ROBO1: variants seen among roughly 807,000 people sequenced by gnomAD.
ROBO1 encodes the protein roundabout homolog 1.
In ROBO1, 149 loss-of-function variants were observed where a neutral mutation model predicts 195.9. The ratio of observed to expected loss-of-function variants is 0.76; its 90% confidence interval spans 0.67 to 0.87. ROBO1 has a LOEUF of 0.87. Ranked by LOEUF, ROBO1 falls within the 40% of genes least tolerant of loss-of-function variation. The probability of loss-of-function intolerance (pLI) is 0.00; values close to 1 mark genes in which losing one functional copy is unlikely to be tolerated. For synonymous variants in ROBO1, 816 were observed against 733.2 expected (o/e 1.11, Z -1.82); for missense variants, 1,933 against 2,068.3 (o/e 0.93, Z 1.27).
intron 2 of ROBO1, among the ~76,000 whole-genome samples, chr3:79,474,886 C>G (rs1169053302): frequency 6.6e-6 from 1 of 151,904 alleles, no homozygotes; most frequent in African/African-American, 2.4e-5. Context: ...ACAACACTAG[C>G]CTAGCAAATC....
chr3:79,574,888 C>T (rs1943399821), intron 2 of ROBO1, among the ~76,000 whole-genome samples: 1 of 150,942 alleles, frequency 6.6e-6, no homozygotes. Flanking sequence ...TAAACACAAA[C>T]AAAAAAATTA....
At chr3:79,010,362 T>C (rs185483983) in intron 3 of ROBO1, among the ~76,000 whole-genome samples, 187 of 152,294 alleles carry the variant, frequency 1.2e-3, no homozygotes, top group African/African-American at 4.4e-3. Context: ...ACCTCATTTT[T>C]CATACTGACA....
At chr3:79,641,242 C>T (rs1159199683) in intron 1 of ROBO1, among the ~76,000 whole-genome samples, 11 of 152,076 alleles carry the variant, frequency 7.2e-5, no homozygotes. Context: ...TTTCATTCTT[C>T]ATTTTTACTA....
chr3:79,626,444 A>G (rs1202363548), intron 1 of ROBO1, among the ~76,000 whole-genome samples: 4 of 152,090 alleles, frequency 2.6e-5, no homozygotes, highest in Non-Finnish European at 1.5e-5. Flanking sequence ...AAAAACAAAA[A>G]CAAAAACAAA....
At chr3:78,691,650 T>C (rs2081178488) in intron 8 of ROBO1, among the ~76,000 whole-genome samples, 1 of 152,160 alleles carries the variant, frequency 6.6e-6, no homozygotes, top group Non-Finnish European at 1.5e-5. Context: ...CGAGAGTGTA[T>C]TAATAAGTAT....
At chr3:78,844,163 T>A (rs1285961194) in intron 4 of ROBO1, among the ~76,000 whole-genome samples, 1 of 152,170 alleles carries the variant, frequency 6.6e-6, no homozygotes, top group African/African-American at 2.4e-5. Flanking sequence ...ATTTGCTTTG[T>A]ACCCTACTAA....
At chr3:79,174,926 G>T (rs1428268597) in intron 2 of ROBO1, among the ~76,000 whole-genome samples, 1 of 151,540 alleles carries the variant, frequency 6.6e-6, no homozygotes, top group Non-Finnish European at 1.5e-5. Flanking sequence ...TTTAATTGAT[G>T]ATTTTAAGGT....
chr3:79,631,784 A>C (rs1945350222), intron 1 of ROBO1, among the ~76,000 whole-genome samples: 1 of 152,156 alleles, frequency 6.6e-6, no homozygotes, highest in African/African-American at 2.4e-5. Context: ...AATAAGAGAA[A>C]AAACAAGTAA....
At chr3:79,717,978 A>T (rs1702555484) in intron 1 of ROBO1, among the ~76,000 whole-genome samples, 1 of 152,020 alleles carries the variant, frequency 6.6e-6, no homozygotes, top group African/African-American at 2.4e-5. Flanking sequence ...CCTTGGAAGG[A>T]TAAAGTGGAA....
Position 79,163,007 on chromosome 3 carries a change from A to C in ROBO1, c.89-37468T>G, listed in dbSNP as rs148344832. On this transcript the variant is annotated intron_variant, in intron 2 of 30. Transcript: ENST00000464233. ...GCCTCACTTTTTAAATATTATTTTT[A>C]CTATGGTAAACACACATAACATAAA... 1.3e-3 allele frequency among the ~76,000 whole-genome samples: 205 copies of C among 152,192 alleles called. 1 individual carries two copies. The highest frequency in any genetic ancestry group is 6.8e-3 in the Middle Eastern group (2 of 294).
intron 2 of ROBO1, among the ~76,000 whole-genome samples, chr3:79,574,575 T>C (rs894164806): frequency 7.9e-5 from 12 of 152,006 alleles, no homozygotes; most frequent in Admixed American, 4.6e-4. Context: ...AGTATTATTG[T>C]AGTCATCTTT....
chr3:78,742,811 G>C (rs753883349), intron 5 of ROBO1, among the ~76,000 whole-genome samples: 3 of 152,154 alleles, frequency 2.0e-5, no homozygotes, highest in Non-Finnish European at 4.4e-5. Flanking sequence ...TTGATTCCTT[G>C]TTGTAGGTGG....
chr3:79,187,289 C>T (rs1429710924), intron 2 of ROBO1, among the ~76,000 whole-genome samples: 2 of 151,918 alleles, frequency 1.3e-5, no homozygotes, highest in Admixed American at 6.6e-5. Context: ...GAAGAGATAC[C>T]AAATAGGAGT....
At chr3:79,419,914 A>G (rs938321840) in intron 2 of ROBO1, among the ~76,000 whole-genome samples, 3 of 152,120 alleles carry the variant, frequency 2.0e-5, no homozygotes, top group Admixed American at 1.3e-4. Context: ...GTATGTATAC[A>G]TAAGGTATAC....
chr3:78,631,155 T>A lies in ROBO1; in HGVS notation c.3626+6A>T. ...CTGTTTACATCTGTTTGGATGCTCCTCTTACCTTTCATCTACAGAAATGTT... is the reference window on the plus strand; with the variant it reads ...CTGTTTACATCTGTTTGGATGCTCCACTTACCTTTCATCTACAGAAATGTT... On this transcript the variant is annotated splice_donor_region_variant and intron_variant, in intron 25 of 30. Coordinates refer to ENST00000464233, the MANE Select transcript of ROBO1 (RefSeq NM_002941.4). 1.2e-6 allele frequency: 2 copies of A among 1,608,642 alleles called. No individual in the cohort carries two copies. Among genetic ancestry groups the A allele is most frequent in the Non-Finnish European group, 1.7e-6 (2 of 1,177,202 alleles).
chr3:79,042,120 A>G (rs1467131031), intron 3 of ROBO1, among the ~76,000 whole-genome samples: 10 of 152,192 alleles, frequency 6.6e-5, no homozygotes, highest in Admixed American at 6.5e-4. Flanking sequence ...AAGCATTTCT[A>G]TTTTTGAAGC....
intron 3 of ROBO1, chr3:79,019,207 C>A: frequency 1.0e-6 from 1 of 986,614 alleles, no homozygotes; most frequent in Non-Finnish European, 1.2e-6. Context: ...GCCCTCGGCC[C>A]CTCGCCCTCT....
At chr3:79,198,197 C>T (rs1027329940) in intron 2 of ROBO1, among the ~76,000 whole-genome samples, 1 of 152,004 alleles carries the variant, frequency 6.6e-6, no homozygotes, top group Admixed American at 6.6e-5. Context: ...TTTAATTCTT[C>T]TTGAGTTAAT....
chr3:79,332,728 A>G (rs2034497725), intron 2 of ROBO1, among the ~76,000 whole-genome samples: 1 of 152,206 alleles, frequency 6.6e-6, no homozygotes, highest in Admixed American at 6.5e-5. Flanking sequence ...ACTCAAAGTG[A>G]TCTTTCCTGA....
Sources: gnomAD v4.1 joint callset for allele counts (sites outside exome capture counted in the v4.1 genomes callset) on GRCh38, gnomAD v4.1.1 for gene constraint, MANE v1.5 for transcripts, NCBI Gene and HGNC (gene_info 2026-07-23, HGNC 2026-07-21) for gene names.